Variants in CMTM4 observed in about 807,000 individuals in gnomAD.
The protein encoded by CMTM4 is CKLF like MARVEL transmembrane domain containing 4, also known as CKLF-like MARVEL transmembrane domain-containing protein 4.
A neutral mutation model predicts 19.0 loss-of-function variants in CMTM4; 8 were observed. The observed-to-expected ratio is 0.42, with a 90% CI of 0.25 to 0.76. CMTM4 has a LOEUF of 0.76. Among genes scored for constraint, CMTM4 ranks in the 30% least tolerant of loss-of-function variants. The pLI is 0.27. For synonymous variants in CMTM4, 106 were observed against 121.1 expected (o/e 0.88, Z 0.82); for missense variants, 228 against 290.2 (o/e 0.79, Z 1.56).
chr16:66,623,350 C>G, intron 3 of CMTM4, 54 bp downstream of exon 3: 3 of 1,310,986 alleles, frequency 2.3e-6, no homozygotes, highest in Non-Finnish European at 3.2e-6. Flanking sequence ...GACAGGCGAG[C>G]AGGTCACAGG....
At chr16:66,679,779 A>C (rs2144899574) in intron 1 of CMTM4, among the ~76,000 whole-genome samples, 1 of 151,148 alleles carries the variant, frequency 6.6e-6, no homozygotes, top group Admixed American at 6.6e-5. Flanking sequence ...AACTGAGATC[A>C]CACCACTGCA....
intron 1 of CMTM4, among the ~76,000 whole-genome samples, chr16:66,656,532 T>G (rs1179729031): frequency 3.9e-5 from 6 of 152,070 alleles, no homozygotes; most frequent in African/African-American, 1.4e-4. Flanking sequence ...CCCAGCTAAT[T>G]TTTTAATTTT....
At chr16:66,639,623 T>C (rs2016062920) in intron 1 of CMTM4, among the ~76,000 whole-genome samples, 1 of 152,108 alleles carries the variant, frequency 6.6e-6, no homozygotes, top group Non-Finnish European at 1.5e-5. Context: ...TGTAATCCCT[T>C]TGGGAGTACA....
downstream of CMTM4, among the ~76,000 whole-genome samples, chr16:66,611,935 C>T (rs1001465762): frequency 2.6e-5 from 4 of 151,984 alleles, no homozygotes; most frequent in African/African-American, 9.7e-5. Context: ...TAGCTGTCCT[C>T]ACCTTGTCCT....
Position 66,680,923 on chromosome 16 carries a change from C to G in CMTM4, c.186+15417G>C, listed in dbSNP as rs577712452. Among the ~76,000 whole-genome samples the G allele has an allele frequency of 9.2e-5, 14 of 152,196 alleles. No individual in the cohort carries two copies. The South Asian group carries it at 2.9e-3, about 32-fold the overall frequency. ...ACTGGATCTACTCAAAGTCTCTGAC[C>G]AGGTCCTGCTGCAATAATCTCACCC... On this transcript the variant is annotated intron_variant, in intron 1 of 3. Coordinates refer to ENST00000394106, the MANE Select transcript of CMTM4 (RefSeq NM_181521.3).
At chr16:66,636,641 A>G in intron 1 of CMTM4, 60 bp from the exon 2 acceptor site, 1 of 1,360,870 alleles carries the variant, frequency 7.3e-7, no homozygotes, top group South Asian at 1.2e-5. Context: ...CTGCGGACAT[A>G]CGTACCTGCC....
chr16:66,668,333 T>C (rs1181142733), intron 1 of CMTM4, among the ~76,000 whole-genome samples: 1 of 152,180 alleles, frequency 6.6e-6, no homozygotes, highest in East Asian at 1.9e-4. Flanking sequence ...GTTTGTATGC[T>C]TGATTCTATA....
chr16:66,695,363 A>G (rs1434913015), intron 1 of CMTM4, among the ~76,000 whole-genome samples: 1 of 151,800 alleles, frequency 6.6e-6, no homozygotes, highest in Non-Finnish European at 1.5e-5. Context: ...GAGAGAGAGA[A>G]CAAGAACAAG....
Position 66,660,823 on chromosome 16 carries a change from C to G in CMTM4, c.187-24242G>C, listed in dbSNP as rs2016487100. The stretch of plus-strand genomic sequence containing the variant: ...GCTTCCTGCTGTCTCCTCAAATCTC[C>G]TAACACTTGGCTGCCCTGTCCCCAT... On this transcript the variant is annotated intron_variant, in intron 1 of 3. Transcript: ENST00000394106. Among the ~76,000 whole-genome samples the G allele has an allele frequency of 3.3e-5, 5 of 152,310 alleles. 1 individual carries two copies. The highest frequency in any genetic ancestry group is 5.9e-5 in the Non-Finnish European group (4 of 68,024).
intron 1 of CMTM4, among the ~76,000 whole-genome samples, chr16:66,690,307 T>C (rs1383432430): frequency 3.3e-5 from 5 of 152,172 alleles, no homozygotes; most frequent in Admixed American, 6.6e-5. Context: ...ACCAGGGTCA[T>C]TGTGTGTCTG....
rs943579020 is a variant in CMTM4 at position 66,615,098 on chromosome 16, T to G, written c.*6960A>C. On this transcript the variant is annotated 3_prime_UTR_variant, in exon 4 of 4. Coordinates refer to ENST00000394106, the MANE Select transcript of CMTM4 (RefSeq NM_181521.3). This position sits in a 1 kb window ranked among gnomAD's most constrained non-coding sequence, Gnocchi z 4.9. ...GAAAAACCAAACACATAAACCTAAGTTTGCCCAACGGGCATCGCCTCAGAA... is the reference window on the plus strand; with the variant it reads ...GAAAAACCAAACACATAAACCTAAGGTTGCCCAACGGGCATCGCCTCAGAA... 6 of 152,246 alleles carry G rather than the reference T, an allele frequency of 3.9e-5. No individual in the cohort carries two copies. The highest frequency in any genetic ancestry group is 7.3e-5 in the Non-Finnish European group (5 of 68,048). 9.4% of individuals were successfully genotyped at this position (152,246 alleles called of 1,614,324 possible).
chr16:66,689,216 A>T (rs2017091924), intron 1 of CMTM4, among the ~76,000 whole-genome samples: 1 of 152,202 alleles, frequency 6.6e-6, no homozygotes, highest in South Asian at 2.1e-4. Context: ...CATGGGGGAA[A>T]GCATTCATTC....
At chr16:66,626,468 G>A (rs1222509321) in intron 2 of CMTM4, among the ~76,000 whole-genome samples, 1 of 152,174 alleles carries the variant, frequency 6.6e-6, no homozygotes, top group African/African-American at 2.4e-5. Flanking sequence ...AGCCAGGCAC[G>A]GTGGCATGCA....
intron 1 of CMTM4, 51 bp from the exon 2 acceptor site, chr16:66,636,632 TG>T: frequency 6.9e-7 from 1 of 1,451,448 alleles, no homozygotes; most frequent in Non-Finnish European, 9.6e-7. Flanking sequence ...AGTATACATC[TG>T]CGGACATACG....
intron 1 of CMTM4, among the ~76,000 whole-genome samples, chr16:66,642,665 G>A (rs1436260306): frequency 3.3e-5 from 5 of 152,120 alleles, no homozygotes; most frequent in African/African-American, 7.2e-5. Context: ...GCAATGAGCC[G>A]AGATCGCGCC....
chr16:66,648,961 G>C (rs1449166371), intron 1 of CMTM4, among the ~76,000 whole-genome samples: 6 of 152,046 alleles, frequency 3.9e-5, no homozygotes, highest in African/African-American at 1.4e-4. Flanking sequence ...GACAGAGCGA[G>C]ACTCTGTCAA....
At chr16:66,608,517 G>T in the CMTM4 span, 2 of 1,579,906 alleles carry the variant, frequency 1.3e-6, no homozygotes, top group Middle Eastern at 3.8e-4. This position sits in a 1 kb window ranked among gnomAD's most constrained non-coding sequence, Gnocchi z 5.1. Context: ...GTGGCCAGAT[G>T]AGGAGTCCAG....
At chr16:66,632,602 G>A (rs1242179306) in intron 2 of CMTM4, among the ~76,000 whole-genome samples, 2 of 152,164 alleles carry the variant, frequency 1.3e-5, no homozygotes, top group African/African-American at 4.8e-5. Flanking sequence ...GGGCTGAGCT[G>A]GCCCTGGGCT....
At chr16:66,684,589 G>A (rs2017000127) in intron 1 of CMTM4, among the ~76,000 whole-genome samples, 1 of 152,088 alleles carries the variant, frequency 6.6e-6, no homozygotes, top group South Asian at 2.1e-4. Context: ...CACACGAGAG[G>A]CACTGCAATG....
Sources: gnomAD v4.1 joint callset for allele counts (sites outside exome capture counted in the v4.1 genomes callset) on GRCh38, gnomAD v4.1.1 for gene constraint, Gnocchi (gnomAD v3.1) non-coding constraint, MANE v1.5 for transcripts, NCBI Gene and HGNC (gene_info 2026-07-23, HGNC 2026-07-21) for gene names.